The following CDK18 variants were observed in gnomAD, a reference collection of about 807,000 sequenced individuals.
CDK18 encodes cyclin dependent kinase 18, also known as cyclin-dependent kinase 18.
CDK18 carries 52 observed loss-of-function variants against 62.0 expected under a neutral mutation model. The observed-to-expected ratio is 0.84, with a 90% CI of 0.67 to 1.06. The LOEUF is 1.06. CDK18 is among the 50% of genes least tolerant of loss of function. The pLI is 0.00. For synonymous variants in CDK18, 237 were observed against 247.0 expected (o/e 0.96, Z 0.38); for missense variants, 604 against 619.9 (o/e 0.97, Z 0.27).
chr1:205,529,183 G>C (rs930720442), intron 11 of CDK18, 87 bp downstream of exon 11: 2 of 1,380,360 alleles, frequency 1.4e-6, no homozygotes, highest in Non-Finnish European at 1.0e-6. Context: ...GGGGAGGAGC[G>C]GCTCGGCCGC....
intron 1 of CDK18, among the ~76,000 whole-genome samples, chr1:205,507,472 A>T (rs1667361815): frequency 6.6e-6 from 1 of 151,194 alleles, no homozygotes; most frequent in African/African-American, 2.4e-5. Flanking sequence ...TCTACTGAAA[A>T]AAAAAAAAAA....
intron 1 of CDK18, among the ~76,000 whole-genome samples, chr1:205,509,473 G>C (rs12025365): frequency 0.25 from 37,434 of 152,052 alleles, 5,976 homozygotes; most frequent in East Asian, 0.58. Flanking sequence ...GGTCAGTTCA[G>C]ATTCTGCCTC....
chr1:205,510,299 C>T (rs1667506612), intron 1 of CDK18, among the ~76,000 whole-genome samples: 1 of 152,088 alleles, frequency 6.6e-6, no homozygotes, highest in African/African-American at 2.4e-5. Context: ...GGGTGACCAG[C>T]CCAGGAGGTG....
At chr1:205,524,163 C>T in intron 3 of CDK18, 69 bp from the exon 4 acceptor site, 1 of 1,586,888 alleles carries the variant, frequency 6.3e-7, no homozygotes, top group Non-Finnish European at 8.6e-7. Flanking sequence ...GAGTGAAAGT[C>T]TGGAGCCCCA....
chr1:205,523,444 A>G (rs996846376), intron 2 of CDK18, 39 bp from the exon 3 acceptor site: 1 of 1,597,638 alleles, frequency 6.3e-7, no homozygotes, highest in Non-Finnish European at 8.5e-7. Context: ...CCCTCAGGAC[A>G]GAGAGGCAGG....
chr1:205,523,669 C>A (rs201468269), intron 3 of CDK18, 44 bp downstream of exon 3: 9 of 1,545,640 alleles, frequency 5.8e-6, no homozygotes, highest in Non-Finnish European at 7.9e-6. Flanking sequence ...GCAGGATGCA[C>A]GCACAAGGGT....
At chr1:205,512,227 A>G (rs1393499411) in intron 1 of CDK18, among the ~76,000 whole-genome samples, 3 of 152,212 alleles carry the variant, frequency 2.0e-5, no homozygotes, top group Non-Finnish European at 4.4e-5. Flanking sequence ...GAGGTCACCC[A>G]GGAAGCATGC....
intron 3 of CDK18, 79 bp from the exon 4 acceptor site, chr1:205,524,153 G>C (rs1487502913): frequency 4.5e-6 from 7 of 1,543,916 alleles, no homozygotes; most frequent in Non-Finnish European, 6.3e-6. Flanking sequence ...GCTAGGTCCA[G>C]AGTGAAAGTC....
At chr1:205,505,343 G>C (rs1424795257) in intron 1 of CDK18, among the ~76,000 whole-genome samples, 1 of 151,808 alleles carries the variant, frequency 6.6e-6, no homozygotes, top group African/African-American at 2.4e-5. Flanking sequence ...GGAGGCCGGA[G>C]CCCTGGGAAG....
At chr1:205,507,550 C>G (rs902026005) in intron 1 of CDK18, among the ~76,000 whole-genome samples, 5 of 134,262 alleles carry the variant, frequency 3.7e-5, no homozygotes, top group Admixed American at 1.7e-4. Context: ...AGGAGAATGG[C>G]GTGAACCCGG....
chr1:205,509,103 C>G (rs150490812), intron 1 of CDK18, among the ~76,000 whole-genome samples: 2 of 149,498 alleles, frequency 1.3e-5, no homozygotes, highest in South Asian at 2.1e-4. Flanking sequence ...GAGCCGAGGT[C>G]GCACCACTGC....
chr1:205,517,620 G>T lies in CDK18; in HGVS notation c.-21-5527G>T, dbSNP rs1480121350. ...GTGACTGTTCTATCTCTCCACTCCG[G>T]CTGCTTGGCGAAAACCCTGCTGCAG... On this transcript the variant is annotated intron_variant, in intron 1 of 15. Transcript: ENST00000429964. This position sits in a 1 kb window ranked among gnomAD's most constrained non-coding sequence, Gnocchi z 4.1. Among the ~76,000 whole-genome samples the T allele has an allele frequency of 1.3e-5, 2 of 151,942 alleles. No individual in the cohort carries two copies. The highest frequency in any genetic ancestry group is 2.9e-5 in the Non-Finnish European group (2 of 68,000).
At position 205,531,579 on chromosome 1, in the gene CDK18, AC is replaced by A; in HGVS notation, c.*203del. The A allele has an allele frequency of 1.7e-6, 1 of 599,624 alleles. No individual in the cohort carries two copies. The highest frequency in any genetic ancestry group is 1.9e-5 in the South Asian group (1 of 51,406). The allele number at this position is 599,624 out of a possible 1,614,324, so 37.1% of individuals were successfully genotyped here. A position where few individuals can be genotyped will look rare whatever the true frequency, so the allele number is the denominator to read the frequency against. ...CCTCCCCAGTAGCCCTCACCTGCAT[AC>A]CAACCCCTCCTTTACCCACGTTGGG... On this transcript the variant is annotated 3_prime_UTR_variant, in exon 16 of 16. Coordinates refer to ENST00000429964, the MANE Select transcript of CDK18 (RefSeq NM_212502.3).
Position 205,531,414 on chromosome 1 carries a change from A to T in CDK18, c.*36A>T, listed in dbSNP as rs766594505. On this transcript the variant is annotated 3_prime_UTR_variant, in exon 16 of 16. Transcript: ENST00000429964. Reference sequence around the variant, plus strand: ...CCTTGCTGTGGCCAAGGGACAAGAGATCACATGGAGCACAAATTCGGGTAG... The same window carrying T: ...CCTTGCTGTGGCCAAGGGACAAGAGTTCACATGGAGCACAAATTCGGGTAG... 1 of 1,601,176 alleles carries T rather than the reference A, an allele frequency of 6.2e-7. No homozygotes were observed. Among genetic ancestry groups the T allele is most frequent in the South Asian group, 1.1e-5 (1 of 90,866 alleles).
rs771925553 is a variant in CDK18, at chr1:205,525,140, C to A, written c.401C>A (p.Ser134Ter). The change falls in exon 5 of 16, where the codon TCA (serine) becomes TAA (stop). Residue 134 changes from serine (S) to a stop codon, truncating the protein, a stop_gained and splice_region_variant. Transcript: ENST00000429964. LOFTEE classifies it high-confidence loss of function. The stretch of plus-strand genomic sequence containing the variant: ...GCATTCTATGTCTCTCCCTCTCAGT[C>A]AGACATTGGCTTTGGGAAACTGGAA... ...LSRMSRRASL[S>*]DIGFGKLETY... 6.2e-7 allele frequency: 1 copy of A among 1,606,352 alleles called. No homozygotes were observed. Among genetic ancestry groups the A allele is most frequent in the Non-Finnish European group, 8.5e-7 (1 of 1,174,166 alleles).
intron 1 of CDK18, chr1:205,505,017 G>C (rs951410562): frequency 6.6e-6 from 1 of 152,400 alleles, no homozygotes; most frequent in African/African-American, 2.4e-5. Context: ...GTTGAGGGGT[G>C]GGGGGTGCCC....
In CDK18 at chr1:205,530,716, G is replaced by T. The variant is rs1224072628; in HGVS notation, c.1390+11G>T. 2 of 1,611,548 alleles carry T rather than the reference G, an allele frequency of 1.2e-6. No homozygotes were observed. Among genetic ancestry groups the T allele is most frequent in the Non-Finnish European group, 1.7e-6 (2 of 1,178,202 alleles). ...CCTTCCAGCAGCCAGGTAGGGGCTTGTGCTCTCCTGGACCCCTCCCCTTGT... is the reference window on the plus strand; with the variant it reads ...CCTTCCAGCAGCCAGGTAGGGGCTTTTGCTCTCCTGGACCCCTCCCCTTGT... On this transcript the variant is annotated intron_variant, in intron 15 of 15. Coordinates refer to ENST00000429964, the MANE Select transcript of CDK18 (RefSeq NM_212502.3).
At chr1:205,522,197 C>G (rs1668161389) in intron 1 of CDK18, among the ~76,000 whole-genome samples, 1 of 152,110 alleles carries the variant, frequency 6.6e-6, no homozygotes, top group Non-Finnish European at 1.5e-5. Flanking sequence ...AGGGCATCCT[C>G]TAATTCAGAG....
intron 2 of CDK18, 70 bp downstream of exon 2, chr1:205,523,367 G>A (rs769722970): frequency 4.4e-5 from 54 of 1,225,602 alleles, no homozygotes; most frequent in South Asian, 1.3e-4. Flanking sequence ...TCCCCTCCCC[G>A]CCCACCCCCT....
Sources: gnomAD v4.1 joint callset for allele counts (sites outside exome capture counted in the v4.1 genomes callset) on GRCh38, gnomAD v4.1.1 for gene constraint, Gnocchi (gnomAD v3.1) non-coding constraint, MANE v1.5 for transcripts, NCBI Gene and HGNC (gene_info 2026-07-23, HGNC 2026-07-21) for gene names.